The following NSUN6 variants were observed in gnomAD, a reference collection of about 807,000 sequenced individuals.
NSUN6 encodes NOP2/Sun RNA methyltransferase 6.
A neutral mutation model predicts 58.0 loss-of-function variants in NSUN6; 64 were observed. The ratio of observed to expected loss-of-function variants is 1.10; its 90% CI spans 0.90 to 1.36. The LOEUF (loss-of-function observed/expected upper bound fraction) is 1.36. NSUN6 is among the 40% of genes most tolerant of loss of function. The pLI, the probability that NSUN6 is intolerant of heterozygous loss-of-function variation, is 0.00. For synonymous variants in NSUN6, 231 were observed against 193.9 expected, an observed-to-expected ratio of 1.19 and a Z score of -1.59; for missense variants, 701 against 550.1, an observed-to-expected ratio of 1.27 and a Z score of -2.74.
chr10:18,644,300 G>C (rs901581942), intron 2 of NSUN6, among the ~76,000 whole-genome samples: 4 of 152,094 alleles, frequency 2.6e-5, no homozygotes, highest in African/African-American at 9.7e-5. Flanking sequence ...AAAACTTTTT[G>C]AATGCTGACA....
chr10:18,579,316 G>A (rs369060563), intron 8 of NSUN6, among the ~76,000 whole-genome samples: 2 of 151,936 alleles, frequency 1.3e-5, no homozygotes, highest in African/African-American at 2.4e-5. Flanking sequence ...GACTATAGGC[G>A]CCCGCCACCA....
intron 8 of NSUN6, among the ~76,000 whole-genome samples, chr10:18,577,533 C>T (rs2056711091): frequency 6.6e-6 from 1 of 152,138 alleles, no homozygotes; most frequent in African/African-American, 2.4e-5. Flanking sequence ...CCTTAACTAT[C>T]TCCACCTTAT....
intron 9 of NSUN6, among the ~76,000 whole-genome samples, chr10:18,548,474 A>G (rs1222229015): frequency 6.6e-6 from 1 of 152,194 alleles, no homozygotes; most frequent in Non-Finnish European, 1.5e-5. Flanking sequence ...TTCCCCAAAT[A>G]TAATCATTCA....
intron 6 of NSUN6, among the ~76,000 whole-genome samples, chr10:18,596,602 G>A (rs2057597087): frequency 6.6e-6 from 1 of 151,922 alleles, no homozygotes; most frequent in African/African-American, 2.4e-5. Flanking sequence ...AGTATTTTCT[G>A]GGTACCAGCA....
intron 6 of NSUN6, among the ~76,000 whole-genome samples, chr10:18,607,146 G>T (rs1434928191): frequency 6.6e-6 from 1 of 152,162 alleles, no homozygotes; most frequent in Non-Finnish European, 1.5e-5. Context: ...CTCACATGAT[G>T]TACTTTCAGG....
At chr10:18,588,619 G>C (rs2057262094) in intron 7 of NSUN6, among the ~76,000 whole-genome samples, 1 of 152,168 alleles carries the variant, frequency 6.6e-6, no homozygotes, top group Admixed American at 6.5e-5. Context: ...GCCTCCACTG[G>C]TGATACCCAG....
chr10:18,600,939 A>ATATATATATATATATATATATAT (rs1287443145), intron 6 of NSUN6, among the ~76,000 whole-genome samples: 2 of 31,600 alleles, frequency 6.3e-5, no homozygotes, highest in Non-Finnish European at 1.4e-4. Flanking sequence ...AAAAAAAAAA[A>ATATATATATATATATATATATAT]AAATATATAT....
intron 6 of NSUN6, among the ~76,000 whole-genome samples, chr10:18,603,473 C>CTTTTT (rs1245707205): frequency 2.6e-4 from 39 of 147,498 alleles, no homozygotes; most frequent in African/African-American, 8.7e-4. Context: ...CTTTTCTTTT[C>CTTTTT]TTTTCTTTTT....
chr10:18,603,514 A>G (rs1478247871), intron 6 of NSUN6, among the ~76,000 whole-genome samples: 1 of 147,350 alleles, frequency 6.8e-6, no homozygotes, highest in African/African-American at 2.5e-5. Context: ...CTTGTCGCCC[A>G]GGCTGGAGTG....
intron 10 of NSUN6, among the ~76,000 whole-genome samples, chr10:18,547,359 C>T (rs1025798063): frequency 6.6e-6 from 1 of 152,106 alleles, no homozygotes; most frequent in African/African-American, 2.4e-5. Context: ...AAATGAATTC[C>T]GAAGTCTTCC....
chr10:18,565,840 T>C (rs2055886785), intron 8 of NSUN6, among the ~76,000 whole-genome samples: 1 of 150,804 alleles, frequency 6.6e-6, no homozygotes, highest in African/African-American at 2.4e-5. Context: ...CATTCCATTG[T>C]CCATTCCATT....
upstream of NSUN6, chr10:18,651,717 G>GT (rs2059712674): frequency 1.0e-6 from 1 of 985,430 alleles, no homozygotes; most frequent in South Asian, 4.7e-5. Context: ...CCAACACTGC[G>GT]TTACGCTACG....
chr10:18,641,938 C>T (rs965451948), intron 3 of NSUN6, among the ~76,000 whole-genome samples: 4 of 151,992 alleles, frequency 2.6e-5, no homozygotes, highest in Admixed American at 6.6e-5. Context: ...TGCAGTGGTG[C>T]GCAACTGTAG....
intron 7 of NSUN6, among the ~76,000 whole-genome samples, chr10:18,592,087 G>C (rs887014377): frequency 2.6e-5 from 4 of 152,068 alleles, no homozygotes; most frequent in Non-Finnish European, 4.4e-5. Context: ...CAGACAAGCA[G>C]AGAGCCAAAT....
chr10:18,564,588 TCATTCTCCATTCCGTAC>T (rs1209775787), intron 8 of NSUN6, among the ~76,000 whole-genome samples: 1 of 149,702 alleles, frequency 6.7e-6, no homozygotes, highest in African/African-American at 2.4e-5. Context: ...TCATTCCATT[TCATTCTCCATTCCGTAC>T]CATTCTCCAT....
chr10:18,627,661 G>T (rs1449275223), intron 3 of NSUN6, among the ~76,000 whole-genome samples: 1 of 152,180 alleles, frequency 6.6e-6, no homozygotes, highest in Non-Finnish European at 1.5e-5. Flanking sequence ...GACGGCACCT[G>T]GAAAATTGGG....
intron 3 of NSUN6, among the ~76,000 whole-genome samples, chr10:18,632,252 T>A (rs371966578): frequency 6.6e-6 from 1 of 150,682 alleles, no homozygotes; most frequent in East Asian, 1.9e-4. Context: ...ACAAAAATCA[T>A]TTCAAGATGG....
At chr10:18,579,302 C>T (rs1310656860) in intron 8 of NSUN6, among the ~76,000 whole-genome samples, 3 of 152,110 alleles carry the variant, frequency 2.0e-5, no homozygotes, top group African/African-American at 7.2e-5. Flanking sequence ...TCCTGAGTAG[C>T]TGGGACTATA....
intron 3 of NSUN6, among the ~76,000 whole-genome samples, chr10:18,636,120 T>C (rs1333983738): frequency 6.6e-6 from 1 of 151,920 alleles, no homozygotes; most frequent in Non-Finnish European, 1.5e-5. Context: ...TAACTTGTTG[T>C]ATAAACATAA....
Sources: allele counts gnomAD v4.1 joint callset (sites outside exome capture counted in the v4.1 genomes callset), GRCh38; gene constraint gnomAD v4.1.1; transcripts MANE v1.5; gene names NCBI Gene and HGNC (gene_info 2026-07-23, HGNC 2026-07-21).